The following KLHL29 variants were observed in gnomAD, a reference collection of about 807,000 sequenced individuals.
KLHL29 encodes the protein kelch-like protein 29.
In KLHL29, 21 loss-of-function variants were observed where a neutral mutation model predicts 80.4. The ratio of observed to expected loss-of-function variants is 0.26; its 90% CI spans 0.19 to 0.38. KLHL29 has a LOEUF of 0.38. Among genes scored for constraint, KLHL29 ranks in the 10% least tolerant of loss-of-function variants. The pLI, the probability that KLHL29 is intolerant of heterozygous loss-of-function variation, is 1.00. For missense variants in KLHL29, 867 were observed against 1,223.9 expected (o/e 0.71, Z 4.35); for synonymous variants, 511 against 526.8 (o/e 0.97, Z 0.41).
At chr2:23,606,187 AGG>A (rs1362516148) in intron 3 of KLHL29, among the ~76,000 whole-genome samples, 16 of 113,584 alleles carry the variant, frequency 1.4e-4, no homozygotes, top group Middle Eastern at 4.3e-3. Context: ...AGAGAGAGAG[AGG>A]GAGAGAGAGA....
intron 2 of KLHL29, among the ~76,000 whole-genome samples, chr2:23,486,281 G>C (rs1664931041): frequency 1.3e-5 from 2 of 152,086 alleles, no homozygotes; most frequent in South Asian, 4.1e-4. Flanking sequence ...AAAAGGGTCT[G>C]AACTCCTGAT....
intron 2 of KLHL29, among the ~76,000 whole-genome samples, chr2:23,539,476 T>C (rs543433597): frequency 6.8e-6 from 1 of 147,442 alleles, no homozygotes; most frequent in East Asian, 2.0e-4. Flanking sequence ...GGGTCTCACT[T>C]TGTCACCCAG....
chr2:23,564,683 A>G (rs1307244460), intron 3 of KLHL29, among the ~76,000 whole-genome samples: 1 of 152,242 alleles, frequency 6.6e-6, no homozygotes, highest in Non-Finnish European at 1.5e-5. Context: ...CCCCGTGCCA[A>G]GACCACATCA....
intron 3 of KLHL29, among the ~76,000 whole-genome samples, chr2:23,638,724 G>A (rs1669684025): frequency 6.6e-6 from 1 of 152,194 alleles, no homozygotes; most frequent in African/African-American, 2.4e-5. Flanking sequence ...GGCTGGGCTG[G>A]GCACACAGTC....
At chr2:23,697,135 A>G (rs913865170) in intron 11 of KLHL29, 12 of 152,478 alleles carry the variant, frequency 7.9e-5, no homozygotes, top group African/African-American at 2.7e-4. Flanking sequence ...CCAAAGGACC[A>G]CGTGTGAACC....
chr2:23,588,236 C>T (rs1170791112), intron 3 of KLHL29, among the ~76,000 whole-genome samples: 1 of 152,134 alleles, frequency 6.6e-6, no homozygotes, highest in Non-Finnish European at 1.5e-5. Context: ...TCGAGTGGGC[C>T]CCAGGAGAGA....
intron 2 of KLHL29, among the ~76,000 whole-genome samples, chr2:23,552,761 CTTT>C (rs60558023): frequency 3.1e-5 from 3 of 95,534 alleles, no homozygotes; most frequent in South Asian, 3.7e-4. Context: ...GGTTTCTTTT[CTTT>C]TTTTTTTTTT....
chr2:23,480,180 C>T (rs989187645), intron 2 of KLHL29, among the ~76,000 whole-genome samples: 13 of 152,306 alleles, frequency 8.5e-5, no homozygotes, highest in East Asian at 7.7e-4. Flanking sequence ...GCACATTGAC[C>T]GGAGTGCTTT....
chr2:23,597,399 ATATATATATTTTTTTTTTTTTTTTTT>A (rs1192281212), intron 3 of KLHL29, among the ~76,000 whole-genome samples: 19 of 79,736 alleles, frequency 2.4e-4, no homozygotes, highest in Non-Finnish European at 4.2e-4. Context: ...ATATATATAT[ATATATATATTTTTTTTTTTTTTTTTT>A]TTTTTTTTTT....
intron 3 of KLHL29, among the ~76,000 whole-genome samples, chr2:23,592,342 C>G (rs908482496): frequency 1.3e-5 from 2 of 152,272 alleles, no homozygotes; most frequent in African/African-American, 2.4e-5. Context: ...CCAGGCCACT[C>G]TGACCCTAAG....
intron 3 of KLHL29, among the ~76,000 whole-genome samples, chr2:23,613,782 A>AG (rs892492815): frequency 4.7e-5 from 6 of 127,688 alleles, no homozygotes; most frequent in Admixed American, 7.9e-5. Flanking sequence ...AAAAAAAAAA[A>AG]AAAAAAAACC....
chr2:23,498,292 T>C (rs1665329632), intron 2 of KLHL29, among the ~76,000 whole-genome samples: 1 of 152,358 alleles, frequency 6.6e-6, no homozygotes, highest in South Asian at 2.1e-4. Flanking sequence ...GCAGTAAATC[T>C]GTTTTCTCTG....
intron 3 of KLHL29, among the ~76,000 whole-genome samples, chr2:23,631,731 G>A (rs999906240): frequency 2.0e-5 from 3 of 152,180 alleles, no homozygotes; most frequent in South Asian, 2.1e-4. Flanking sequence ...TGCGCTTCCC[G>A]GAGGCCACAG....
chr2:23,654,705 G>GAGGT (rs1553350661), intron 5 of KLHL29, among the ~76,000 whole-genome samples: 1 of 89,676 alleles, frequency 1.1e-5, no homozygotes, highest in Non-Finnish European at 2.6e-5. Flanking sequence ...TTGGGGGGGG[G>GAGGT]GGGTGGATGT....
intron 2 of KLHL29, among the ~76,000 whole-genome samples, chr2:23,536,286 A>G (rs944282340): frequency 1.3e-5 from 2 of 152,366 alleles, no homozygotes; most frequent in East Asian, 3.9e-4. Flanking sequence ...AACTCCCAGC[A>G]TCATGATTGG....
chr2:23,437,915 C>T (rs1445266282), intron 1 of KLHL29, among the ~76,000 whole-genome samples: 9 of 152,078 alleles, frequency 5.9e-5, no homozygotes, highest in Admixed American at 6.6e-5. Flanking sequence ...TGGCCATTTT[C>T]GCAATATTGA....
At chr2:23,664,364 C>T (rs533176703) in intron 5 of KLHL29, among the ~76,000 whole-genome samples, 1 of 152,286 alleles carries the variant, frequency 6.6e-6, no homozygotes, top group South Asian at 2.1e-4. Context: ...TCGACATTAG[C>T]CTCTGGTTGA....
At chr2:23,386,561 G>T (rs1451910196) in intron 1 of KLHL29, among the ~76,000 whole-genome samples, 1 of 152,148 alleles carries the variant, frequency 6.6e-6, no homozygotes, top group Non-Finnish European at 1.5e-5. Flanking sequence ...GTTGATGTGT[G>T]GGACAGGGTG....
chr2:23,412,128 G>GCC (rs1558328527), intron 1 of KLHL29, among the ~76,000 whole-genome samples: 1 of 148,050 alleles, frequency 6.8e-6, no homozygotes, highest in African/African-American at 2.5e-5. Flanking sequence ...GTGAAGGGGG[G>GCC]GGGGGGGCGG....
Sources: gnomAD v4.1 joint callset for allele counts (sites outside exome capture counted in the v4.1 genomes callset) on GRCh38, gnomAD v4.1.1 for gene constraint, MANE v1.5 for transcripts, NCBI Gene and HGNC (gene_info 2026-07-23, HGNC 2026-07-21) for gene names.